Variants in UBE2N observed in about 807,000 individuals in gnomAD.
UBE2N encodes ubiquitin-conjugating enzyme E2 N.
For missense variants in UBE2N, 60 were observed against 192.1 expected (o/e 0.31, Z 4.07); for synonymous variants, 70 against 69.2 (o/e 1.01, Z -0.06).
intron 1 of UBE2N, among the ~76,000 whole-genome samples, chr12:93,438,410 T>C (rs1344850830): frequency 1.3e-5 from 2 of 152,064 alleles, no homozygotes; most frequent in African/African-American, 2.4e-5. Flanking sequence ...AAGCAAGCAA[T>C]GCAACAAACT....
chr12:93,439,133 T>C (rs1879023025), intron 1 of UBE2N, among the ~76,000 whole-genome samples: 2 of 152,208 alleles, frequency 1.3e-5, no homozygotes, highest in South Asian at 4.1e-4. Flanking sequence ...ATTTTAACAT[T>C]TTCATTAGAT....
At chr12:93,410,698 G>C (rs1878007914) in intron 3 of UBE2N, 36 bp downstream of exon 3, 1 of 1,610,024 alleles carries the variant, frequency 6.2e-7, no homozygotes, top group South Asian at 1.1e-5. Flanking sequence ...ATTTGTAAAA[G>C]TGGAAGTGGT....
intron 1 of UBE2N, among the ~76,000 whole-genome samples, chr12:93,418,322 C>G (rs1878287429): frequency 6.6e-6 from 1 of 152,052 alleles, no homozygotes; most frequent in African/African-American, 2.4e-5. Context: ...TGTGATCATA[C>G]CACTGCACCC....
At chr12:93,436,188 A>C (rs1878929828) in intron 1 of UBE2N, among the ~76,000 whole-genome samples, 1 of 152,158 alleles carries the variant, frequency 6.6e-6, no homozygotes, top group Admixed American at 6.6e-5. Context: ...TGCAGCCTCA[A>C]CTTCCTGGGC....
chr12:93,417,684 T>C (rs995564934), intron 1 of UBE2N, among the ~76,000 whole-genome samples: 2 of 152,216 alleles, frequency 1.3e-5, no homozygotes, highest in Non-Finnish European at 2.9e-5. Context: ...ACTCAGTAAC[T>C]GCCAATTTCA....
chr12:93,434,407 TA>T (rs1357335302), intron 1 of UBE2N, among the ~76,000 whole-genome samples: 1 of 152,240 alleles, frequency 6.6e-6, no homozygotes, highest in African/African-American at 2.4e-5. Context: ...CAGTGAATAC[TA>T]AAGTACTTGA....
rs541240340 is a variant in UBE2N, at chr12:93,435,316, T to C, written c.30+6539A>G. Among the ~76,000 whole-genome samples the C allele has an allele frequency of 3.9e-5, 6 of 151,916 alleles. No homozygotes were observed. The East Asian group carries it at 7.7e-4, about 20-fold the overall frequency. On this transcript the variant is annotated intron_variant, in intron 1 of 3. Transcript: ENST00000318066. Reference sequence around the variant, plus strand: ...GGTGAAACCCTGCCTCTACTAAAAATACAAAAATCAGCTGGGCGTGGTGGC... The same window carrying C: ...GGTGAAACCCTGCCTCTACTAAAAACACAAAAATCAGCTGGGCGTGGTGGC...
At position 93,408,824 on chromosome 12, in the gene UBE2N, TTATAAGGA is replaced by T. The variant is rs1490417586; in HGVS notation, c.*1207_*1214del. On this transcript the variant is annotated 3_prime_UTR_variant, in exon 4 of 4. Transcript: ENST00000318066. ...GATAGTTGAGATCTGCTCATCAGGT[TTATAAGGA>T]AGACTCACAAATGCCTCAGCAAATC... 1 of 152,504 alleles carries T rather than the reference TTATAAGGA, an allele frequency of 6.6e-6. No homozygotes were observed. The highest frequency in any genetic ancestry group is 2.4e-5 in the African/African-American group (1 of 41,444). 9.4% of individuals were successfully genotyped at this position (152,504 alleles called of 1,614,324 possible).
At position 93,407,006 on chromosome 12, in the gene UBE2N, CTT is replaced by C. The variant is rs1296800545; in HGVS notation, c.*3031_*3032del. ...ACACCTCAAGATTTTAGAAAAGCCTCTTAACGGGCAATTTTCTTTTAAATAAA... is the reference window on the plus strand; with the variant it reads ...ACACCTCAAGATTTTAGAAAAGCCTCAACGGGCAATTTTCTTTTAAATAAA... On this transcript the variant is annotated 3_prime_UTR_variant, in exon 4 of 4. Coordinates refer to ENST00000318066, the MANE Select transcript of UBE2N (RefSeq NM_003348.4). The C allele has an allele frequency of 6.6e-6, 1 of 152,204 alleles. No homozygotes were observed. Among genetic ancestry groups the C allele is most frequent in the Admixed American group, 6.5e-5 (1 of 15,274 alleles). 9.4% of individuals were successfully genotyped at this position (152,204 alleles called of 1,614,324 possible).
At position 93,411,156 on chromosome 12, in the gene UBE2N, A is replaced by G. The variant is rs1878020803; in HGVS notation, c.174T>C (p.Leu58=). 6.2e-7 allele frequency: 1 copy of G among 1,614,092 alleles called. No individual in the cohort carries two copies. The highest frequency in any genetic ancestry group is 1.1e-5 in the South Asian group (1 of 91,090). The change falls in exon 2 of 4, where the codon CTT becomes CTC. Residue 58 remains leucine (L), a synonymous_variant. Coordinates refer to ENST00000318066, the MANE Select transcript of UBE2N (RefSeq NM_003348.4). The stretch of plus-strand genomic sequence containing the variant: ...GGGCTGCCATTGGGTATTCTTCTGG[A>G]AGGAATAGTTCAAGTTTAAAAGTCC... ...EGGTFKLELF[L]PEEYPMAAPK... is the part of the protein sequence containing the mutation.
At position 93,406,610 on chromosome 12, in the gene UBE2N, A is replaced by G. The variant is rs558543728; in HGVS notation, c.*3429T>C. The G allele has an allele frequency of 1.3e-5, 2 of 152,364 alleles. No individual in the cohort carries two copies. The highest frequency in any genetic ancestry group is 2.4e-5 in the African/African-American group (1 of 41,554). The allele number at this position is 152,364 out of a possible 1,614,324, so 9.4% of individuals were successfully genotyped here. On this transcript the variant is annotated 3_prime_UTR_variant, in exon 4 of 4. Coordinates refer to ENST00000318066, the MANE Select transcript of UBE2N (RefSeq NM_003348.4). ...TTCAAACAACCAGACAAAATATTCC[A>G]AAAAACATTGTGTCTGTAGTCAACA...
At chr12:93,410,266 T>TAC in intron 3 of UBE2N, 187 bp from the exon 4 acceptor site, 1 of 555,982 alleles carries the variant, frequency 1.8e-6, no homozygotes, top group East Asian at 3.3e-5. Flanking sequence ...ACCAAAACAC[T>TAC]ACAATAAAAT....
rs776134942 is a variant in UBE2N, at chr12:93,410,911, A to G, written c.278-37T>C. On this transcript the variant is annotated intron_variant, in intron 2 of 3. Transcript: ENST00000318066. ...ACAGGCCCAGTATGATAAAGCATGA[A>G]AAAAACAGGCCCAGAACTGCTTCAC... is the stretch of plus-strand genomic sequence containing the variant. 3.1e-6 allele frequency: 5 copies of G among 1,614,180 alleles called. No homozygotes were observed. The South Asian group carries it at 5.5e-5, about 18-fold the overall frequency.
intron 1 of UBE2N, among the ~76,000 whole-genome samples, chr12:93,416,780 T>A (rs550905311): frequency 4.1e-5 from 6 of 144,978 alleles, no homozygotes; most frequent in Admixed American, 7.4e-5. Context: ...TTTGGGAGGC[T>A]GAGGCAGGCA....
intron 1 of UBE2N, among the ~76,000 whole-genome samples, chr12:93,432,494 A>ACAAAACAG: frequency 6.6e-6 from 1 of 152,030 alleles, no homozygotes; most frequent in South Asian, 2.1e-4. Flanking sequence ...AAAAAACAAA[A>ACAAAACAG]CAAAACAGCT....
At chr12:93,427,298 ACATGTGACTAGTTTTATGAGAGC>A (rs1565796200) in intron 1 of UBE2N, among the ~76,000 whole-genome samples, 1 of 152,230 alleles carries the variant, frequency 6.6e-6, no homozygotes, top group African/African-American at 2.4e-5. Flanking sequence ...TGCAGGCTTC[ACATGTGACTAGTTTTATGAGAGC>A]CAATACAGAT....
At chr12:93,410,921 C>A in intron 2 of UBE2N, 47 bp from the exon 3 acceptor site, 1 of 1,613,978 alleles carries the variant, frequency 6.2e-7, no homozygotes, top group Non-Finnish European at 8.5e-7. Flanking sequence ...AAAAAACAGG[C>A]CCAGAACTGC....
At chr12:93,421,478 G>T (rs1313059388) in intron 1 of UBE2N, among the ~76,000 whole-genome samples, 2 of 152,130 alleles carry the variant, frequency 1.3e-5, no homozygotes, top group African/African-American at 4.8e-5. Context: ...AATCTTGATG[G>T]TATACAATAA....
At chr12:93,433,091 C>A (rs1428145712) in intron 1 of UBE2N, among the ~76,000 whole-genome samples, 1 of 152,024 alleles carries the variant, frequency 6.6e-6, no homozygotes, top group East Asian at 1.9e-4. Flanking sequence ...CACCACCACG[C>A]CCAGCTAATT....
Sources: gnomAD v4.1 joint callset for allele counts (sites outside exome capture counted in the v4.1 genomes callset) on GRCh38, gnomAD v4.1.1 for gene constraint, MANE v1.5 for transcripts, NCBI Gene and HGNC (gene_info 2026-07-23, HGNC 2026-07-21) for gene names.